Variants in PCDHA10 observed in about 807,000 individuals in gnomAD.
PCDHA10 encodes the protein protocadherin alpha 10.
A neutral mutation model predicts 61.2 loss-of-function variants in PCDHA10; 45 were observed. That is an observed-to-expected ratio of 0.74 (90% confidence interval 0.58 to 0.94). The LOEUF is 0.94. Ranked by LOEUF, PCDHA10 falls within the 40% of genes least tolerant of loss-of-function variation. PCDHA10 has a pLI of 0.00. For synonymous variants in PCDHA10, 602 were observed against 548.8 expected (o/e 1.10, Z -1.35); for missense variants, 1,278 against 1,236.2 (o/e 1.03, Z -0.51).
At chr5:140,928,851 T>G (rs1554206396) in intron 1 of PCDHA10, 1 of 1,614,192 alleles carries the variant, frequency 6.2e-7, no homozygotes, top group Non-Finnish European at 8.5e-7. Flanking sequence ...TCACTCTGGG[T>G]GTGCTGTTGA....
chr5:140,949,961 G>A lies in PCDHA10; in HGVS notation c.2389-28988G>A, dbSNP rs373865946. ...TTGCATTTTTTAGTGGTTGCTGTAA[G>A]GATTACAGCATACATACTTAACTTT... On this transcript the variant is annotated intron_variant, in intron 1 of 3. Transcript: ENST00000307360. Among the ~76,000 whole-genome samples, 68 of 151,658 alleles carry A rather than the reference G, an allele frequency of 4.5e-4. 1 individual carries two copies. The East Asian group carries it at 0.012, about 28-fold the overall frequency.
intron 1 of PCDHA10, chr5:140,866,368 T>C (rs1172516799): frequency 6.6e-6 from 1 of 152,138 alleles, no homozygotes; most frequent in Non-Finnish European, 1.5e-5. Flanking sequence ...TATTGCATAC[T>C]TCAATAACAA....
rs73266040 is a variant in PCDHA10 at position 140,926,675 on chromosome 5, C to G, written c.2389-52274C>G. 1.5e-3 allele frequency: 923 copies of G among 601,544 alleles called. 7 individuals carry two copies. The African/African-American group carries it at 0.016, about 11-fold the overall frequency. The allele number at this position is 601,544 out of a possible 1,614,324, so 37.3% of individuals were successfully genotyped here. ...TCCGCTTTCCCAGACGGCTGCCCAG[C>G]CTCCAGCCTAGCAAGCCCGGCTCCC... On this transcript the variant is annotated intron_variant, in intron 1 of 3. Coordinates refer to ENST00000307360, the MANE Select transcript of PCDHA10 (RefSeq NM_018901.4).
chr5:140,956,599 G>A (rs782510228), intron 1 of PCDHA10, among the ~76,000 whole-genome samples: 4 of 152,186 alleles, frequency 2.6e-5, no homozygotes, highest in Non-Finnish European at 5.9e-5. Flanking sequence ...AGGGATATCA[G>A]CTGGAAGTTT....
chr5:140,879,402 T>C (rs571790), intron 1 of PCDHA10, among the ~76,000 whole-genome samples: 2,265 of 152,304 alleles, frequency 0.015, 52 homozygotes, highest in African/African-American at 0.052. Context: ...TTTGTGTGTA[T>C]TTGAGCAGGT....
chr5:140,916,579 T>C (rs1013124807), intron 1 of PCDHA10, among the ~76,000 whole-genome samples: 14 of 152,176 alleles, frequency 9.2e-5, no homozygotes, highest in Non-Finnish European at 1.6e-4. Context: ...AGAAATGTCA[T>C]CCATGAGCTA....
intron 1 of PCDHA10, chr5:140,927,991 G>T: frequency 6.2e-7 from 1 of 1,614,202 alleles, no homozygotes; most frequent in Non-Finnish European, 8.5e-7. Flanking sequence ...TGTAAAGGAT[G>T]AAGACCTCGA....
intron 1 of PCDHA10, among the ~76,000 whole-genome samples, chr5:140,972,775 T>C (rs1277210789): frequency 6.6e-6 from 1 of 151,656 alleles, no homozygotes; most frequent in Non-Finnish European, 1.5e-5. Context: ...GTGATTCTTC[T>C]GCCTCAGCCT....
At chr5:140,927,097 G>A in intron 1 of PCDHA10, 1 of 1,613,358 alleles carries the variant, frequency 6.2e-7, no homozygotes, top group Non-Finnish European at 8.5e-7. Context: ...CTTCGGGGTG[G>A]ATCTACCCAG....
At chr5:140,939,897 T>G (rs1563176465) in intron 1 of PCDHA10, among the ~76,000 whole-genome samples, 1 of 152,230 alleles carries the variant, frequency 6.6e-6, no homozygotes. Flanking sequence ...TCAAATATTC[T>G]GCATTCTTTT....
Position 140,863,100 on chromosome 5 carries a change from C to A in PCDHA10, c.2388+4664C>A, listed in dbSNP as rs146061743. 4,507 of 579,870 alleles carry A rather than the reference C, an allele frequency of 7.8e-3. 34 individuals carry two copies. The highest frequency in any genetic ancestry group is 0.018 in the Middle Eastern group (62 of 3,436). The allele number at this position is 579,870 out of a possible 1,614,324, so 35.9% of individuals were successfully genotyped here. A position where few individuals can be genotyped will look rare whatever the true frequency, so the allele number is the denominator to read the frequency against. ...CGGGCGAGATCAGCACGACGAGTAC[C>A]CTGGACGAGGCGAAAGCTACGCGCC... On this transcript the variant is annotated intron_variant, in intron 1 of 3. Coordinates refer to ENST00000307360, the MANE Select transcript of PCDHA10 (RefSeq NM_018901.4).
chr5:140,858,321 C>A lies in PCDHA10; in HGVS notation c.2273C>A (p.Ser758Tyr). ...CAGCAGAGGCGGCAGAGGGTGTGTT[C>A]TGGGGAGGGCCTGCCCAAGGCGGAC... ...YSQQRRQRVC[S>Y]GEGLPKADLM... The change falls in exon 1 of 4, where the codon TCT (serine) becomes TAT (tyrosine). Residue 758 changes from serine (S) to tyrosine (Y), a missense_variant. Coordinates refer to ENST00000307360, the MANE Select transcript of PCDHA10 (RefSeq NM_018901.4). The A allele has an allele frequency of 6.3e-7, 1 of 1,596,814 alleles. No homozygotes were observed. The highest frequency in any genetic ancestry group is 8.6e-7 in the Non-Finnish European group (1 of 1,166,748).
intron 1 of PCDHA10, among the ~76,000 whole-genome samples, chr5:140,916,378 A>C (rs772984424): frequency 6.6e-6 from 1 of 152,158 alleles, no homozygotes; most frequent in Non-Finnish European, 1.5e-5. Flanking sequence ...TGTAGCCACC[A>C]CAACTAGGAA....
rs781800844 is a variant in PCDHA10 at position 140,858,313 on chromosome 5, G to C, written c.2265G>C (p.Arg755Ser). The change falls in exon 1 of 4, where the codon AGG becomes AGC. Residue 755 changes from arginine to serine, a missense_variant. By Grantham distance (110) the Arg-to-Ser change is moderately radical. Transcript: ENST00000307360. The stretch of plus-strand genomic sequence containing the variant: ...CTTACTCGCAGCAGAGGCGGCAGAG[G>C]GTGTGTTCTGGGGAGGGCCTGCCCA... ...SWSYSQQRRQ[R>S]VCSGEGLPKA... The C allele has an allele frequency of 1.3e-6, 2 of 1,597,108 alleles. No homozygotes were observed. The highest frequency in any genetic ancestry group is 4.5e-5 in the East Asian group (2 of 44,836).
intron 3 of PCDHA10, among the ~76,000 whole-genome samples, chr5:140,998,223 G>A (rs1554256200): frequency 6.6e-6 from 1 of 152,140 alleles, no homozygotes; most frequent in Non-Finnish European, 1.5e-5. Context: ...ACCACACCCA[G>A]AAATTTGTGC....
chr5:140,890,409 A>G (rs1554184285), intron 1 of PCDHA10, among the ~76,000 whole-genome samples: 1 of 152,174 alleles, frequency 6.6e-6, no homozygotes, highest in Non-Finnish European at 1.5e-5. Context: ...TTTAACTTGA[A>G]TATTTATTTA....
intron 3 of PCDHA10, among the ~76,000 whole-genome samples, chr5:140,992,017 CTG>C (rs10602499): frequency 0.14 from 19,772 of 145,244 alleles, 1,405 homozygotes; most frequent in African/African-American, 0.18. Flanking sequence ...AGAGGTGGCT[CTG>C]TGTGTGTGTG....
intron 1 of PCDHA10, among the ~76,000 whole-genome samples, chr5:140,912,892 A>T (rs1554195590): frequency 2.0e-5 from 3 of 152,210 alleles, no homozygotes. Context: ...TTCTGTTGAT[A>T]TGATGTATCA....
Position 141,010,435 on chromosome 5 carries a change from A to C in PCDHA10, c.*498A>C. 1 of 1,039,068 alleles carries C rather than the reference A, an allele frequency of 9.6e-7. No individual in the cohort carries two copies. The highest frequency in any genetic ancestry group is 1.4e-6 in the Non-Finnish European group (1 of 739,892). The allele number at this position is 1,039,068 out of a possible 1,614,324, so 64.4% of individuals were successfully genotyped here. A position where few individuals can be genotyped will look rare whatever the true frequency, so the allele number is the denominator to read the frequency against. On this transcript the variant is annotated 3_prime_UTR_variant, in exon 4 of 4. Transcript: ENST00000307360. ...TGGTACAAGGAAGGCAAGAAAACAA[A>C]GACAAATAAACAGCGGAAGTTATCA...
Sources: gnomAD v4.1 joint callset for allele counts (sites outside exome capture counted in the v4.1 genomes callset) on GRCh38, gnomAD v4.1.1 for gene constraint, MANE v1.5 for transcripts, NCBI Gene and HGNC (gene_info 2026-07-23, HGNC 2026-07-21) for gene names.